Variants in MYO7A observed in about 807,000 individuals in gnomAD.
The protein encoded by MYO7A is myosin VIIA, also known as unconventional myosin-VIIa.
MYO7A carries 210 observed loss-of-function variants against 263.8 expected under a neutral mutation model. The observed-to-expected ratio is 0.80, with a 90% CI of 0.71 to 0.89. MYO7A has a LOEUF of 0.89. Among genes scored for constraint, MYO7A ranks in the 40% least tolerant of loss-of-function variants. The pLI, the probability that MYO7A is intolerant of heterozygous loss-of-function variation, is 0.00. For missense variants in MYO7A, 2,820 were observed against 2,968.3 expected (o/e 0.95, Z 1.16); for synonymous variants, 1,239 against 1,197.3 (o/e 1.03, Z -0.72).
intron 9 of MYO7A, 69 bp downstream of exon 9, chr11:77,158,499 G>C: frequency 6.5e-7 from 1 of 1,530,370 alleles, no homozygotes; most frequent in South Asian, 1.2e-5. Context: ...TGCTGCCCAC[G>C]TGGTATTGGC....
At chr11:77,175,874 C>T (rs1467415890) in intron 18 of MYO7A, among the ~76,000 whole-genome samples, 1 of 152,224 alleles carries the variant, frequency 6.6e-6, no homozygotes, top group Non-Finnish European at 1.5e-5. Context: ...TGGCAGGGCC[C>T]ATCCCGTGCT....
rs371181696 is a variant in MYO7A, at chr11:77,152,139, C to T, written c.286-3768C>T. On this transcript the variant is annotated intron_variant, in intron 4 of 48. Transcript: ENST00000409709. Reference sequence around the variant, plus strand: ...TGCCCTCTTACTGGAGAGAATCTGCCTCACCGAGGAAAGAGGCCTCATTTC... The same window carrying T: ...TGCCCTCTTACTGGAGAGAATCTGCTTCACCGAGGAAAGAGGCCTCATTTC... Among the ~76,000 whole-genome samples the T allele has an allele frequency of 1.7e-4, 26 of 152,356 alleles. No individual in the cohort carries two copies. The East Asian group carries it at 4.4e-3, about 26-fold the overall frequency.
intron 7 of MYO7A, 81 bp from the exon 8 acceptor site, chr11:77,157,197 TA>T (rs1261193328): frequency 7.3e-7 from 1 of 1,374,916 alleles, no homozygotes; most frequent in Admixed American, 2.0e-5. Context: ...GTTAAAATAG[TA>T]AACCATCATC....
chr11:77,184,865 A>T (rs1955546788), intron 27 of MYO7A, 150 bp downstream of exon 27: 1 of 1,309,656 alleles, frequency 7.6e-7, no homozygotes, highest in East Asian at 2.5e-5. Flanking sequence ...TGGTGGAGTT[A>T]TTTCATCTTT....
intron 32 of MYO7A, among the ~76,000 whole-genome samples, chr11:77,196,592 G>T (rs747430516): frequency 1.3e-5 from 2 of 152,150 alleles, no homozygotes; most frequent in Admixed American, 6.5e-5. Flanking sequence ...AGATTCACTG[G>T]GTGATAGCCA....
Position 77,183,058 on chromosome 11 carries a change from G to C in MYO7A, c.3286-10G>C, listed in dbSNP as rs1555085940. 6.4e-7 allele frequency: 1 copy of C among 1,550,508 alleles called. No individual in the cohort carries two copies. The highest frequency in any genetic ancestry group is 8.7e-7 in the Non-Finnish European group (1 of 1,146,568). On this transcript the variant is annotated splice_polypyrimidine_tract_variant and intron_variant, in intron 25 of 48. Transcript: ENST00000409709. ...CAGCCACTTGACCCTGATCCCTGCTGGTCCTGCAGGCCCAGCTCCCCGAGG... is the reference window on the plus strand; with the variant it reads ...CAGCCACTTGACCCTGATCCCTGCTCGTCCTGCAGGCCCAGCTCCCCGAGG...
intron 31 of MYO7A, chr11:77,194,032 G>A (rs1467433481): frequency 1.8e-6 from 1 of 548,136 alleles, no homozygotes; most frequent in Non-Finnish European, 3.5e-6. Context: ...TGTCTCACAG[G>A]GCTGAGTGTG....
intron 3 of MYO7A, among the ~76,000 whole-genome samples, chr11:77,144,534 G>A (rs1555052661): frequency 6.6e-6 from 1 of 152,138 alleles, no homozygotes; most frequent in Admixed American, 6.5e-5. Context: ...GGGAGGCTGG[G>A]GTTTGCATCT....
chr11:77,175,672 G>A lies in MYO7A; in HGVS notation c.2187+208G>A, dbSNP rs11237106. 0.53 allele frequency among the ~76,000 whole-genome samples: 80,400 copies of A among 152,000 alleles called. 21,532 individuals carry two copies. Among genetic ancestry groups the A allele is most frequent in the Admixed American group, 0.6 (9,171 of 15,272 alleles). ...GAGATCATCTACAACCTGGGAGTGG[G>A]GTCAGAGCACTGACCACAGGTTACA... On this transcript the variant is annotated intron_variant, in intron 18 of 48. Coordinates refer to ENST00000409709, the MANE Select transcript of MYO7A (RefSeq NM_000260.4).
intron 2 of MYO7A, among the ~76,000 whole-genome samples, chr11:77,130,859 C>A (rs1555045876): frequency 3.9e-5 from 6 of 152,234 alleles, no homozygotes; most frequent in Non-Finnish European, 8.8e-5. Flanking sequence ...ACTGGCTCAC[C>A]CCACTGGGCA....
chr11:77,192,986 GTGGAGGTAGTGATGC>G lies in MYO7A; in HGVS notation c.4152+711_4152+725del, dbSNP rs1565442870. 2.7e-4 allele frequency among the ~76,000 whole-genome samples: 16 copies of G among 59,118 alleles called. 1 individual carries two copies. The highest frequency in any genetic ancestry group is 1.7e-3 in the African/African-American group (14 of 8,422). 38.8% of individuals were successfully genotyped at this position (59,118 alleles called of 152,430 possible). A position where few individuals can be genotyped will look rare whatever the true frequency, so the allele number is the denominator to read the frequency against. ...GGTGATGGTGGAGGTAGTTGTGATG[GTGGAGGTAGTGATGC>G]TGTTGGTGATGGTGGAGGTAGCGAT... On this transcript the variant is annotated intron_variant, in intron 31 of 48. Transcript: ENST00000409709.
At chr11:77,188,632 T>A (rs1955809650) in intron 27 of MYO7A, among the ~76,000 whole-genome samples, 1 of 152,186 alleles carries the variant, frequency 6.6e-6, no homozygotes, top group Non-Finnish European at 1.5e-5. Context: ...AGCCCAGCAA[T>A]AATTGCAGCT....
intron 47 of MYO7A, 75 bp from the exon 48 acceptor site, chr11:77,213,778 AGGCCTTC>A: frequency 6.3e-7 from 1 of 1,597,942 alleles, no homozygotes; most frequent in Admixed American, 1.7e-5. Context: ...TGAGGGCCTG[AGGCCTTC>A]TGTGAGGGCA....
In MYO7A at chr11:77,182,716, C is replaced by T. The variant is rs931913131; in HGVS notation, c.3285+116C>T. On this transcript the variant is annotated intron_variant, in intron 25 of 48. Coordinates refer to ENST00000409709, the MANE Select transcript of MYO7A (RefSeq NM_000260.4). ...AGGATCCTATAATTCATCTCTGCCTCACCGACCCCTGCCTGCCACCCTCCT... is the reference window on the plus strand; with the variant it reads ...AGGATCCTATAATTCATCTCTGCCTTACCGACCCCTGCCTGCCACCCTCCT... The T allele has an allele frequency of 2.7e-6, 3 of 1,125,774 alleles. No homozygotes were observed. In the Admixed American group the frequency reaches 7.3e-5, roughly 28 times the overall value. 69.7% of individuals were successfully genotyped at this position (1,125,774 alleles called of 1,614,324 possible).
At chr11:77,214,544 A>T in intron 48 of MYO7A, 63 bp from the exon 49 acceptor site, 4 of 1,226,532 alleles carry the variant, frequency 3.3e-6, no homozygotes, top group Non-Finnish European at 4.7e-6. Context: ...GAGCTGTGCT[A>T]TGGTCTGAGT....
At chr11:77,208,602 G>A (rs896084899) in intron 43 of MYO7A, 85 bp downstream of exon 43, 21 of 1,512,084 alleles carry the variant, frequency 1.4e-5, no homozygotes, top group East Asian at 4.8e-5. Context: ...CCACCTAGGC[G>A]GGCCTGAGTG....
intron 28 of MYO7A, 36 bp from the exon 29 acceptor site, chr11:77,189,984 C>A: frequency 6.7e-7 from 1 of 1,487,808 alleles, no homozygotes; most frequent in South Asian, 1.3e-5. Context: ...ACATGGGGAG[C>A]CCCAGGGGCC....
intron 44 of MYO7A, among the ~76,000 whole-genome samples, chr11:77,209,749 C>T (rs986989678): frequency 1.3e-5 from 2 of 152,220 alleles, no homozygotes; most frequent in African/African-American, 4.8e-5. Context: ...GAGGCAGTGA[C>T]CTTCTCCCTG....
At chr11:77,159,741 T>A (rs1219068816) in intron 10 of MYO7A, among the ~76,000 whole-genome samples, 2 of 152,160 alleles carry the variant, frequency 1.3e-5, no homozygotes, top group Non-Finnish European at 2.9e-5. Flanking sequence ...GGCCCTGTGA[T>A]GCTCTGGGCT....
Sources: allele counts gnomAD v4.1 joint callset (sites outside exome capture counted in the v4.1 genomes callset), GRCh38; gene constraint gnomAD v4.1.1; transcripts MANE v1.5; gene names NCBI Gene and HGNC (gene_info 2026-07-23, HGNC 2026-07-21).